The following OR52E2 variants were observed in gnomAD, a reference collection of about 807,000 sequenced individuals.
OR52E2 encodes the protein olfactory receptor 52E2.
For synonymous variants in OR52E2, 130 were observed against 143.9 expected (o/e 0.90, Z 0.69); for missense variants, 443 against 403.9 (o/e 1.10, Z -0.83).
In OR52E2 at chr11:5,059,176, A is replaced by T. The variant is rs148255884; in HGVS notation, c.452T>A (p.Phe151Tyr). Reference protein sequence around the residue: ...KVVSVIGLGVFVRALIFVIPS... With the variant: ...KVVSVIGLGVYVRALIFVIPS... Reference sequence around the variant, plus strand: ...AATGACGAAAATTAAAGCCCTCACAAACACACCAAGACCAATCACAGAAAC... The same window carrying T: ...AATGACGAAAATTAAAGCCCTCACATACACACCAAGACCAATCACAGAAAC... Residue 151 changes from phenylalanine to tyrosine, a missense_variant, in exon 1 of 1, where the codon TTT (phenylalanine) becomes TAT (tyrosine). Coordinates refer to ENST00000321522, the MANE Select transcript of OR52E2 (RefSeq NM_001005164.2). 1 of 1,613,754 alleles carries T rather than the reference A, an allele frequency of 6.2e-7. No individual in the cohort carries two copies. The highest frequency in any genetic ancestry group is 8.5e-7 in the Non-Finnish European group (1 of 1,179,906).
rs1847680846 is a variant in OR52E2, at chr11:5,058,929, T to G, written c.699A>C (p.Glu233Asp). The change falls in exon 1 of 1, where the codon GAA (glutamate) becomes GAC (aspartate). Residue 233 changes from glutamate (E) to aspartate (D), a missense_variant. Glu to Asp is a conservative substitution (Grantham distance 45, BLOSUM62 2). Coordinates refer to ENST00000321522, the MANE Select transcript of OR52E2 (RefSeq NM_001005164.2). ...LCAVFRLPTH[E>D]ARLKSLSTCG... Reference sequence around the variant, plus strand: ...ATGTGCTGAGGGACTTGAGTCGGGCTTCATGAGTAGGAAGACGGAAAACAG... The same window carrying G: ...ATGTGCTGAGGGACTTGAGTCGGGCGTCATGAGTAGGAAGACGGAAAACAG... 1 of 1,601,034 alleles carries G rather than the reference T, an allele frequency of 6.2e-7. No homozygotes were observed. Among genetic ancestry groups the G allele is most frequent in the Non-Finnish European group, 8.5e-7 (1 of 1,173,882 alleles).
In OR52E2 at chr11:5,058,763, T is replaced by C. The variant is rs781373065; in HGVS notation, c.865A>G (p.Asn289Asp). The change falls in exon 1 of 1, where the codon AAT (asparagine) becomes GAT (aspartate). Residue 289 changes from asparagine to aspartate, a missense_variant. Asn to Asp is a conservative substitution (Grantham distance 23). Coordinates refer to ENST00000321522, the MANE Select transcript of OR52E2 (RefSeq NM_001005164.2). ...NLYVVVPPML[N>D]PVIYGVRTKQ... ...GTTCTGACTCCATATATGACAGGAT[T>C]GAGCATTGGTGGCACCACAACATAG... is the stretch of plus-strand genomic sequence containing the variant. The C allele has an allele frequency of 6.3e-7, 1 of 1,595,484 alleles. No homozygotes were observed. Among genetic ancestry groups the C allele is most frequent in the Non-Finnish European group, 8.5e-7 (1 of 1,173,652 alleles).
At position 5,059,118 on chromosome 11, in the gene OR52E2, G is replaced by A. The variant is rs1847684896; in HGVS notation, c.510C>T (p.Phe170=). ...TGTGGGGAATTACATGATTCCCACA[G>A]AAGGGCAACCGCAATATAAGAAGTA... The part of the protein sequence containing the change: ...PSILLILRLP[F]CGNHVIPHTY... The change falls in exon 1 of 1, where the codon TTC becomes TTT. Residue 170 remains phenylalanine (F), a synonymous_variant. Coordinates refer to ENST00000321522, the MANE Select transcript of OR52E2 (RefSeq NM_001005164.2). 1 of 1,613,544 alleles carries A rather than the reference G, an allele frequency of 6.2e-7. No homozygotes were observed. The highest frequency in any genetic ancestry group is 8.5e-7 in the Non-Finnish European group (1 of 1,179,844).
Position 5,058,816 on chromosome 11 carries a change from C to A in OR52E2, c.812G>T (p.Arg271Leu), listed in dbSNP as rs200790196. The change falls in exon 1 of 1, where the codon CGC becomes CTC. Residue 271 changes from arginine (R) to leucine (L), a missense_variant. Arg to Leu is a moderately radical substitution (Grantham distance 102). Coordinates refer to ENST00000321522, the MANE Select transcript of OR52E2 (RefSeq NM_001005164.2). ...ATTGGCTAGGAGTATATGGATATAGCGGGGCACATTTCGGCCAAAGCGATG... is the reference window on the plus strand; with the variant it reads ...ATTGGCTAGGAGTATATGGATATAGAGGGGCACATTTCGGCCAAAGCGATG... ...MTHRFGRNVP[R>L]YIHILLANLY... 3.0e-5 allele frequency: 48 copies of A among 1,586,250 alleles called. No homozygotes were observed. The highest frequency in any genetic ancestry group is 3.8e-5 in the Non-Finnish European group (45 of 1,169,620).
rs1847687183 is a variant in OR52E2, at chr11:5,059,237, G to T, written c.391C>A (p.Pro131Thr). The T allele has an allele frequency of 6.2e-7, 1 of 1,613,626 alleles. No individual in the cohort carries two copies. The highest frequency in any genetic ancestry group is 1.3e-5 in the African/African-American group (1 of 74,894). ...GTGAGGATGGCGCTATATTGGAGTG[G>T]ATTGCAGATGGCCACATAGCTGTCA... The part of the protein sequence containing the change: ...AYDSYVAICN[P>T]LQYSAILTNK... The change falls in exon 1 of 1, where the codon CCA becomes ACA. Residue 131 changes from proline to threonine, a missense_variant. Transcript: ENST00000321522.
rs112235231 is a variant in OR52E2 at position 5,059,351 on chromosome 11, C to A, written c.277G>T (p.Gly93Trp). ...MLGIFWINLR[G>W]IIFEACLTQM... ...GTGAGGCAGGCTTCAAAGATGATCCCTCTGAGGTTGATCCAGAAGATTCCA... is the reference window on the plus strand; with the variant it reads ...GTGAGGCAGGCTTCAAAGATGATCCATCTGAGGTTGATCCAGAAGATTCCA... Residue 93 changes from glycine to tryptophan, a missense_variant, in exon 1 of 1, where the codon GGG becomes TGG. Transcript: ENST00000321522. 3.7e-6 allele frequency: 6 copies of A among 1,613,636 alleles called. No homozygotes were observed. Among genetic ancestry groups the A allele is most frequent in the Non-Finnish European group, 5.1e-6 (6 of 1,179,836 alleles).
chr11:5,059,366 A>C lies in OR52E2; in HGVS notation c.262T>G (p.Trp88Gly), dbSNP rs1421955030. ...ATIPKMLGIF[W>G]INLRGIIFEA... ...AAGATGATCCCTCTGAGGTTGATCC[A>C]GAAGATTCCAAGCATCTTAGGGATG... Residue 88 changes from tryptophan (W) to glycine (G), a missense_variant, in exon 1 of 1, where the codon TGG becomes GGG. Physicochemically the swap from Trp to Gly is radical, Grantham distance 184. Transcript: ENST00000321522. 10 of 1,613,618 alleles carry C rather than the reference A, an allele frequency of 6.2e-6. No individual in the cohort carries two copies. Among genetic ancestry groups the C allele is most frequent in the Non-Finnish European group, 7.6e-6 (9 of 1,179,874 alleles).
At position 5,059,484 on chromosome 11, in the gene OR52E2, T is replaced by C. The variant is rs1462134860; in HGVS notation, c.144A>G (p.Leu48=). ...GGCTGCTGTCAGTCTTGATCACAAG[T>C]AGAATAGTGAAGTTCCCTATGAGTG... The part of the protein sequence containing the change: ...MIALIGNFTI[L]LVIKTDSSLH... Residue 48 remains leucine (L), a synonymous_variant, in exon 1 of 1, where the codon CTA becomes CTG. Coordinates refer to ENST00000321522, the MANE Select transcript of OR52E2 (RefSeq NM_001005164.2). 2 of 1,613,732 alleles carry C rather than the reference T, an allele frequency of 1.2e-6. No individual in the cohort carries two copies. Among genetic ancestry groups the C allele is most frequent in the Admixed American group, 3.3e-5 (2 of 59,952 alleles).
Position 5,059,209 on chromosome 11 carries a change from T to C in OR52E2, c.419A>G (p.Asn140Ser), listed in dbSNP as rs753160860. 2 of 1,613,584 alleles carry C rather than the reference T, an allele frequency of 1.2e-6. No homozygotes were observed. The highest frequency in any genetic ancestry group is 1.7e-6 in the Non-Finnish European group (2 of 1,179,866). Residue 140 changes from asparagine (N) to serine (S), a missense_variant, in exon 1 of 1, where the codon AAC (asparagine) becomes AGC (serine). Asn to Ser is a conservative substitution (Grantham distance 46). Transcript: ENST00000321522. ...AAGACCAATCACAGAAACAACCTTG[T>C]TGGTGAGGATGGCGCTATATTGGAG... ...NPLQYSAILT[N>S]KVVSVIGLGV... is the part of the protein sequence containing the mutation.
At position 5,059,249 on chromosome 11, in the gene OR52E2, C is replaced by T. The variant is rs776601165; in HGVS notation, c.379G>A (p.Ala127Thr). 1 of 1,613,512 alleles carries T rather than the reference C, an allele frequency of 6.2e-7. No homozygotes were observed. The highest frequency in any genetic ancestry group is 1.7e-5 in the Admixed American group (1 of 59,888). The change falls in exon 1 of 1, where the codon GCC (alanine) becomes ACC (threonine). Residue 127 changes from alanine (A) to threonine (T), a missense_variant. Ala to Thr is a moderately conservative substitution (Grantham distance 58, BLOSUM62 0). Transcript: ENST00000321522. ...CTATATTGGAGTGGATTGCAGATGG[C>T]CACATAGCTGTCATAAGCCATTGCC... ...LVAMAYDSYV[A>T]ICNPLQYSAI... is the part of the protein sequence containing the mutation.
In OR52E2 at chr11:5,059,248, GC is replaced by G; in HGVS notation, c.379del (p.Ala127ProfsTer19). ...GCTATATTGGAGTGGATTGCAGATG[GC>G]CACATAGCTGTCATAAGCCATTGCC... The part of the protein sequence containing the change: ...LVAMAYDSYV[A>X]ICNPLQYSAI... On this transcript the variant is annotated frameshift_variant, in exon 1 of 1. Coordinates refer to ENST00000321522, the MANE Select transcript of OR52E2 (RefSeq NM_001005164.2). LOFTEE classifies it low-confidence loss of function (END_TRUNC). 1 of 1,613,708 alleles carries G rather than the reference GC, an allele frequency of 6.2e-7. No individual in the cohort carries two copies. Among genetic ancestry groups the G allele is most frequent in the Non-Finnish European group, 8.5e-7 (1 of 1,179,882 alleles).
At position 5,059,412 on chromosome 11, in the gene OR52E2, A is replaced by G. The variant is rs1847690522; in HGVS notation, c.216T>C (p.Asp72=). ...GGATGGTAGCTGTTGAGAGACCCAC[A>G]TCAGTGGTGGCCAACATGGCCAGGA... ...FYFLAMLATT[D]VGLSTATIPK... is the part of the protein sequence containing the mutation. The change falls in exon 1 of 1, where the codon GAT becomes GAC. Residue 72 remains aspartate, a synonymous_variant. Transcript: ENST00000321522. 6.2e-7 allele frequency: 1 copy of G among 1,613,716 alleles called. No homozygotes were observed. Among genetic ancestry groups the G allele is most frequent in the Non-Finnish European group, 8.5e-7 (1 of 1,179,780 alleles).
In OR52E2 at chr11:5,058,820, G is replaced by A. The variant is rs893077679; in HGVS notation, c.808C>T (p.Pro270Ser). ...GCTAGGAGTATATGGATATAGCGGG[G>A]CACATTTCGGCCAAAGCGATGAGTC... is the stretch of plus-strand genomic sequence containing the variant. Reference protein sequence around the residue: ...FMTHRFGRNVPRYIHILLANL... With the variant: ...FMTHRFGRNVSRYIHILLANL... Residue 270 changes from proline to serine, a missense_variant, in exon 1 of 1, where the codon CCC (proline) becomes TCC (serine). Physicochemically the swap from Pro to Ser is moderately conservative, Grantham distance 74. Transcript: ENST00000321522. 3.2e-6 allele frequency: 5 copies of A among 1,583,808 alleles called. No homozygotes were observed. Among genetic ancestry groups the A allele is most frequent in the African/African-American group, 2.7e-5 (2 of 73,274 alleles).
Position 5,058,699 on chromosome 11 carries a change from T to C in OR52E2, c.929A>G (p.Gln310Arg). The part of the protein sequence containing the change: ...IYKCVKKILL[Q>R]EQGMEKEEYL... ...CTCTTCCTTTTCCATTCCTTGTTCC[T>C]GCAATAATATTTTCTTCACACATTT... is the stretch of plus-strand genomic sequence containing the variant. Residue 310 changes from glutamine to arginine, a missense_variant, in exon 1 of 1, where the codon CAG becomes CGG. By Grantham distance (43) the Gln-to-Arg change is conservative. Coordinates refer to ENST00000321522, the MANE Select transcript of OR52E2 (RefSeq NM_001005164.2). 2 of 1,510,820 alleles carry C rather than the reference T, an allele frequency of 1.3e-6. No individual in the cohort carries two copies. Among genetic ancestry groups the C allele is most frequent in the South Asian group, 1.4e-5 (1 of 70,392 alleles). The allele number at this position is 1,510,820 out of a possible 1,614,324, so 93.6% of individuals were successfully genotyped here.
chr11:5,058,801 A>T lies in OR52E2; in HGVS notation c.827T>A (p.Leu276His). ...GRNVPRYIHI[L>H]LANLYVVVPP... ...CACCACAACATAGAGATTGGCTAGG[A>T]GTATATGGATATAGCGGGGCACATT... Residue 276 changes from leucine (L) to histidine (H), a missense_variant, in exon 1 of 1, where the codon CTC becomes CAC. Transcript: ENST00000321522. 3 of 1,596,886 alleles carry T rather than the reference A, an allele frequency of 1.9e-6. No individual in the cohort carries two copies. The highest frequency in any genetic ancestry group is 2.6e-6 in the Non-Finnish European group (3 of 1,173,666).
Position 5,059,573 on chromosome 11 carries a change from T to C in OR52E2, c.55A>G (p.Ile19Val). 5 of 1,612,336 alleles carry C rather than the reference T, an allele frequency of 3.1e-6. No individual in the cohort carries two copies. Among genetic ancestry groups the C allele is most frequent in the Non-Finnish European group, 2.5e-6 (3 of 1,179,012 alleles). ...FHPSSFLLLG[I>V]PGLETLHIWI... Reference sequence around the variant, plus strand: ...ATGTGAAGTGTTTCTAGTCCTGGGATCCCCAGCAACAGGAAGGAGGAGGGG... The same window carrying C: ...ATGTGAAGTGTTTCTAGTCCTGGGACCCCCAGCAACAGGAAGGAGGAGGGG... The change falls in exon 1 of 1, where the codon ATC becomes GTC. Residue 19 changes from isoleucine to valine, a missense_variant. Physicochemically the swap from Ile to Val is conservative, Grantham distance 29 (BLOSUM62 3). Coordinates refer to ENST00000321522, the MANE Select transcript of OR52E2 (RefSeq NM_001005164.2).
Position 5,059,203 on chromosome 11 carries a change from A to G in OR52E2, c.425T>C (p.Val142Ala), listed in dbSNP as rs1456100703. 1.2e-6 allele frequency: 2 copies of G among 1,613,638 alleles called. No homozygotes were observed. The highest frequency in any genetic ancestry group is 1.7e-6 in the Non-Finnish European group (2 of 1,179,876). ...CACACCAAGACCAATCACAGAAACAACCTTGTTGGTGAGGATGGCGCTATA... is the reference window on the plus strand; with the variant it reads ...CACACCAAGACCAATCACAGAAACAGCCTTGTTGGTGAGGATGGCGCTATA... ...LQYSAILTNK[V>A]VSVIGLGVFV... The change falls in exon 1 of 1, where the codon GTT becomes GCT. Residue 142 changes from valine to alanine, a missense_variant. Coordinates refer to ENST00000321522, the MANE Select transcript of OR52E2 (RefSeq NM_001005164.2).
chr11:5,058,778 C>T lies in OR52E2; in HGVS notation c.850G>A (p.Val284Met). Residue 284 changes from valine to methionine, a missense_variant, in exon 1 of 1, where the codon GTG (valine) becomes ATG (methionine). Coordinates refer to ENST00000321522, the MANE Select transcript of OR52E2 (RefSeq NM_001005164.2). ...HILLANLYVV[V>M]PPMLNPVIYG... Reference sequence around the variant, plus strand: ...ATGACAGGATTGAGCATTGGTGGCACCACAACATAGAGATTGGCTAGGAGT... The same window carrying T: ...ATGACAGGATTGAGCATTGGTGGCATCACAACATAGAGATTGGCTAGGAGT... 2 of 1,598,380 alleles carry T rather than the reference C, an allele frequency of 1.3e-6. No homozygotes were observed. Among genetic ancestry groups the T allele is most frequent in the Non-Finnish European group, 1.7e-6 (2 of 1,174,262 alleles).
At position 5,059,590 on chromosome 11, in the gene OR52E2, G is replaced by A. The variant is rs1178352870; in HGVS notation, c.38C>T (p.Ser13Phe). 1 of 1,609,898 alleles carries A rather than the reference G, an allele frequency of 6.2e-7. No individual in the cohort carries two copies. The highest frequency in any genetic ancestry group is 1.7e-5 in the Admixed American group (1 of 59,672). The change falls in exon 1 of 1, where the codon TCC (serine) becomes TTC (phenylalanine). Residue 13 changes from serine to phenylalanine, a missense_variant. Coordinates refer to ENST00000321522, the MANE Select transcript of OR52E2 (RefSeq NM_001005164.2). ...TCCTGGGATCCCCAGCAACAGGAAG[G>A]AGGAGGGGTGAAACTGGGTGTCATT... ...LPNDTQFHPS[S>F]FLLLGIPGLE...
Sources: gnomAD v4.1 joint callset for allele counts on GRCh38, gnomAD v4.1.1 for gene constraint, MANE v1.5 for transcripts, NCBI Gene and HGNC (gene_info 2026-07-23, HGNC 2026-07-21) for gene names.